HIF3A: variants seen among roughly 807,000 people sequenced by gnomAD.
HIF3A encodes hypoxia inducible factor 3 subunit alpha.
HIF3A carries 41 observed loss-of-function variants against 67.2 expected under a neutral mutation model. That is an observed-to-expected ratio of 0.61 (90% confidence interval 0.48 to 0.79). HIF3A has a LOEUF of 0.79. HIF3A is among the 30% of genes least tolerant of loss of function. HIF3A has a pLI of 0.00. For missense variants in HIF3A, 855 were observed against 898.0 expected (o/e 0.95, Z 0.61); for synonymous variants, 356 against 374.8 (o/e 0.95, Z 0.58).
chr19:46,309,220 G>A lies in HIF3A; in HGVS notation c.631G>A (p.Asp211Asn). The change falls in exon 6 of 15, where the codon GAC (aspartate) becomes AAC (asparagine). Residue 211 changes from aspartate to asparagine, a missense_variant. Around this residue, in one of 3 missense-constraint regions of HIF3A, gnomAD observed 638 missense variants for 660.5 expected, o/e 0.97. Transcript: ENST00000377670. ...GCAGACTTCTCCAGCTGGGAGCCCT[G>A]ACTCAGAGCCCCCGCTGCAGTGCCT... ...PAQTSPAGSP[D>N]SEPPLQCLVL... The A allele has an allele frequency of 6.2e-7, 1 of 1,614,108 alleles. No individual in the cohort carries two copies. The highest frequency in any genetic ancestry group is 8.5e-7 in the Non-Finnish European group (1 of 1,179,998).
At chr19:46,339,392 T>C (rs1311038649) in intron 14 of HIF3A, 133 bp from the exon 15 acceptor site, 3 of 609,664 alleles carry the variant, frequency 4.9e-6, no homozygotes, top group Admixed American at 7.5e-5. Context: ...GTAAAATTAC[T>C]AAAAATCCTT....
intron 11 of HIF3A, 76 bp downstream of exon 11, chr19:46,325,715 T>C: frequency 1.0e-6 from 1 of 969,278 alleles, no homozygotes; most frequent in Non-Finnish European, 1.6e-6. Flanking sequence ...TAGAGAAGGG[T>C]AGTGGGATGG....
rs200909095 is a variant in HIF3A, at chr19:46,312,229, C to T, written c.839C>T (p.Ala280Val). Residue 280 changes from alanine (A) to valine (V), a missense_variant, in exon 7 of 15, where the codon GCG (alanine) becomes GTG (valine). Transcript: ENST00000377670. The part of the protein sequence containing the change: ...IGCSAYEYIH[A>V]LDSDAVSKSI... ...TGTTCCGCCTACGAGTACATCCACG[C>T]GCTGGACTCCGATGCGGTCAGCAAG... The T allele has an allele frequency of 1.4e-4, 227 of 1,613,966 alleles. 1 individual carries two copies. In the South Asian group the frequency reaches 1.5e-3, roughly 11 times the overall value.
At chr19:46,299,872 A>C (rs1369519450) in intron 1 of HIF3A, among the ~76,000 whole-genome samples, 1 of 152,182 alleles carries the variant, frequency 6.6e-6, no homozygotes, top group African/African-American at 2.4e-5. Context: ...GTCAGAGTAG[A>C]CAGACCTGGC....
chr19:46,336,969 A>G (rs994339397), intron 14 of HIF3A, among the ~76,000 whole-genome samples: 1 of 152,124 alleles, frequency 6.6e-6, no homozygotes, highest in Non-Finnish European at 1.5e-5. Flanking sequence ...CCTGGGCAAC[A>G]CAGCAAGACT....
rs762855139 is a variant in HIF3A at position 46,320,533 on chromosome 19, G to A, written c.1116G>A (p.Lys372=). 8.7e-6 allele frequency: 14 copies of A among 1,614,094 alleles called. No individual in the cohort carries two copies. The highest frequency in any genetic ancestry group is 1.6e-4 in the Middle Eastern group (1 of 6,062). ...RPIQRGAPSQ[K]DTPNPGDSLD... is the part of the protein sequence containing the mutation. ...TTCAGCGGGGCGCCCCCTCTCAGAA[G>A]GACACCCCTAACCCTGGGGACAGCC... The change falls in exon 9 of 15, where the codon AAG becomes AAA. Residue 372 remains lysine, a synonymous_variant. Transcript: ENST00000377670.
chr19:46,297,188 G>A lies in HIF3A; in HGVS notation c.26+86G>A. 1.5e-6 allele frequency: 1 copy of A among 653,066 alleles called. No homozygotes were observed. Among genetic ancestry groups the A allele is most frequent in the Non-Finnish European group, 2.2e-6 (1 of 446,104 alleles). The allele number at this position is 653,066 out of a possible 1,614,324, so 40.5% of individuals were successfully genotyped here. A position where few individuals can be genotyped will look rare whatever the true frequency, so the allele number is the denominator to read the frequency against. ...GAGCTGGATTGTTGGGGGGGGTGGG[G>A]TTCGCGGGTGCGAGCCAAGAACGCC... On this transcript the variant is annotated intron_variant, in intron 1 of 14. Coordinates refer to ENST00000377670, the MANE Select transcript of HIF3A (RefSeq NM_152795.4). This position sits in a 1 kb window ranked among gnomAD's most constrained non-coding sequence, Gnocchi z 4.5.
At chr19:46,307,351 C>T (rs1968944245) in intron 3 of HIF3A, among the ~76,000 whole-genome samples, 1 of 152,158 alleles carries the variant, frequency 6.6e-6, no homozygotes, top group Admixed American at 6.5e-5. Flanking sequence ...CCTGTAATTC[C>T]AGTACTTTGG....
At chr19:46,316,312 G>T (rs1969909888) in intron 8 of HIF3A, among the ~76,000 whole-genome samples, 1 of 152,208 alleles carries the variant, frequency 6.6e-6, no homozygotes, top group South Asian at 2.1e-4. Context: ...ACGTATGGGG[G>T]TTCCAGTTGC....
chr19:46,302,294 C>A (rs1968408095), intron 1 of HIF3A, among the ~76,000 whole-genome samples: 1 of 152,080 alleles, frequency 6.6e-6, no homozygotes, highest in Non-Finnish European at 1.5e-5. Context: ...CCACGCCCAG[C>A]TAATTTTTTG....
intron 5 of HIF3A, 127 bp downstream of exon 5, chr19:46,308,902 G>T (rs947320901): frequency 8.7e-6 from 6 of 688,400 alleles, no homozygotes; most frequent in Admixed American, 5.6e-5. Flanking sequence ...ACTCAGGTCA[G>T]GTCTAGCGGG....
At chr19:46,303,804 G>T in intron 1 of HIF3A, 94 bp from the exon 2 acceptor site, 1 of 1,515,066 alleles carries the variant, frequency 6.6e-7, no homozygotes, top group Non-Finnish European at 9.0e-7. Flanking sequence ...CACTCCACGA[G>T]CCCCGGCCCC....
intron 6 of HIF3A, among the ~76,000 whole-genome samples, chr19:46,310,229 A>T (rs997984999): frequency 6.6e-6 from 1 of 151,972 alleles, no homozygotes; most frequent in Non-Finnish European, 1.5e-5. Flanking sequence ...CGTCTCGAAA[A>T]AGAAAAAAAA....
In HIF3A at chr19:46,320,293, A is replaced by C; in HGVS notation, c.1026-150A>C. ...AGAAATGAAACCCTTATAGGAGACA[A>C]ATAAATGTGGGCAATTATTTTCTGC... On this transcript the variant is annotated intron_variant, in intron 8 of 14. Transcript: ENST00000377670. The C allele has an allele frequency of 6.1e-6, 4 of 654,314 alleles. No homozygotes were observed. In the South Asian group the frequency reaches 7.5e-5, roughly 12 times the overall value. 40.5% of individuals were successfully genotyped at this position (654,314 alleles called of 1,614,324 possible).
rs751173227 is a variant in HIF3A, at chr19:46,297,142, G to T, written c.26+40G>T. 2.7e-6 allele frequency: 2 copies of T among 727,620 alleles called. No individual in the cohort carries two copies. The highest frequency in any genetic ancestry group is 3.7e-6 in the Non-Finnish European group (2 of 534,274). The allele number at this position is 727,620 out of a possible 1,614,324, so 45.1% of individuals were successfully genotyped here. A position where few individuals can be genotyped will look rare whatever the true frequency, so the allele number is the denominator to read the frequency against. On this transcript the variant is annotated intron_variant, in intron 1 of 14. Coordinates refer to ENST00000377670, the MANE Select transcript of HIF3A (RefSeq NM_152795.4). This position sits in a 1 kb window ranked among gnomAD's most constrained non-coding sequence, Gnocchi z 4.5. ...GGGCAGGAGTTCTGGGAATTGGGGGGCTCTCCTCCTGGAGACCCCTGAGCT... is the reference window on the plus strand; with the variant it reads ...GGGCAGGAGTTCTGGGAATTGGGGGTCTCTCCTCCTGGAGACCCCTGAGCT...
Position 46,312,243 on chromosome 19 carries a change from G to T in HIF3A, c.853G>T (p.Ala285Ser), listed in dbSNP as rs1197654211. ...GTACATCCACGCGCTGGACTCCGATGCGGTCAGCAAGAGCATCCACACCTG... is the reference window on the plus strand; with the variant it reads ...GTACATCCACGCGCTGGACTCCGATTCGGTCAGCAAGAGCATCCACACCTG... ...YEYIHALDSD[A>S]VSKSIHTLLS... Residue 285 changes from alanine (A) to serine (S), a missense_variant, in exon 7 of 15, where the codon GCG (alanine) becomes TCG (serine). Physicochemically the swap from Ala to Ser is moderately conservative, Grantham distance 99. Coordinates refer to ENST00000377670, the MANE Select transcript of HIF3A (RefSeq NM_152795.4). 1 of 1,613,876 alleles carries T rather than the reference G, an allele frequency of 6.2e-7. No individual in the cohort carries two copies. Among genetic ancestry groups the T allele is most frequent in the South Asian group, 1.1e-5 (1 of 91,072 alleles).
chr19:46,338,144 T>A, intron 14 of HIF3A: 1 of 453,084 alleles, frequency 2.2e-6, no homozygotes, highest in South Asian at 1.6e-5. Context: ...TGGTCACTGC[T>A]GTGTCTCTAG....
At position 46,308,742 on chromosome 19, in the gene HIF3A, G is replaced by A. The variant is rs1358717419; in HGVS notation, c.528G>A (p.Gly176=). 3.7e-6 allele frequency: 6 copies of A among 1,609,934 alleles called. No individual in the cohort carries two copies. Among genetic ancestry groups the A allele is most frequent in the Admixed American group, 1.7e-5 (1 of 59,646 alleles). The change falls in exon 5 of 15, where the codon GGG becomes GGA. Residue 176 remains glycine (G), a synonymous_variant. Transcript: ENST00000377670. The part of the protein sequence containing the change: ...LRMKSTLTSR[G]RTLNLKAATW... ...TGAAGAGTACACTCACCAGCCGCGGGCGCACCCTCAACCTCAAGGCGGCCA... is the reference window on the plus strand; with the variant it reads ...TGAAGAGTACACTCACCAGCCGCGGACGCACCCTCAACCTCAAGGCGGCCA...
chr19:46,325,523 A>G lies in HIF3A; in HGVS notation c.1336-12A>G, dbSNP rs764228890. ...CAAGATTTCCTGAAGTTTCTACTCCATCTCTCCACAGGCTGATCTCCCAGA... is the reference window on the plus strand; with the variant it reads ...CAAGATTTCCTGAAGTTTCTACTCCGTCTCTCCACAGGCTGATCTCCCAGA... On this transcript the variant is annotated splice_polypyrimidine_tract_variant and intron_variant, in intron 10 of 14. Coordinates refer to ENST00000377670, the MANE Select transcript of HIF3A (RefSeq NM_152795.4). 6.3e-7 allele frequency: 1 copy of G among 1,595,370 alleles called. No individual in the cohort carries two copies. The highest frequency in any genetic ancestry group is 8.6e-7 in the Non-Finnish European group (1 of 1,165,138).
Sources: gnomAD v4.1 joint callset for allele counts (sites outside exome capture counted in the v4.1 genomes callset) on GRCh38, gnomAD v4.1.1 for gene constraint, gnomAD v4.1.1 regional missense constraint, Gnocchi (gnomAD v3.1) non-coding constraint, MANE v1.5 for transcripts, NCBI Gene and HGNC (gene_info 2026-07-23, HGNC 2026-07-21) for gene names.